Variants in RNF25 observed in about 807,000 individuals in gnomAD.
RNF25 encodes ring finger protein 25.
RNF25 carries 32 observed loss-of-function variants against 65.0 expected under a neutral mutation model. That is an observed-to-expected ratio of 0.49 (90% CI 0.37 to 0.66). The LOEUF (loss-of-function observed/expected upper bound fraction) is 0.66. RNF25 is among the 30% of genes least tolerant of loss of function. The pLI, the probability that RNF25 is intolerant of heterozygous loss-of-function variation, is 0.00. For synonymous variants in RNF25, 207 were observed against 221.2 expected (o/e 0.94, Z 0.57); for missense variants, 493 against 584.8 (o/e 0.84, Z 1.62).
At position 218,668,039 on chromosome 2, in the gene RNF25, C is replaced by T. The variant is rs779808739; in HGVS notation, c.287+40G>A. The stretch of plus-strand genomic sequence containing the variant: ...TGCCCATTTCTGTCACCGGGCAAAG[C>T]TGTAGCTGAGTTTTCCCTGTTCTGA... On this transcript the variant is annotated intron_variant, in intron 4 of 9. Coordinates refer to ENST00000295704, the MANE Select transcript of RNF25 (RefSeq NM_022453.3). 1.9e-6 allele frequency: 3 copies of T among 1,612,980 alleles called. No homozygotes were observed. In the African/African-American group the frequency reaches 4.0e-5, roughly 22 times the overall value.
In RNF25 at chr2:218,668,126, C is replaced by A. The variant is rs771308052; in HGVS notation, c.240G>T (p.Gln80His). The A allele has an allele frequency of 6.2e-7, 1 of 1,614,188 alleles. No homozygotes were observed. Residue 80 changes from glutamine to histidine, a missense_variant, in exon 4 of 10, where the codon CAG becomes CAT. By Grantham distance (24) the Gln-to-His change is conservative (BLOSUM62 0). Around this residue, in one of 3 missense-constraint regions of RNF25, gnomAD observed 108 missense variants for 166.0 expected, o/e 0.65. Transcript: ENST00000295704. ...GTCCTCGGGGATTTCGGATAGAGAT[C>A]TGTGGCACCTCATGGGGATACTAGT... ...VPAEYPHEVP[Q>H]ISIRNPRGLS...
intron 8 of RNF25, 73 bp downstream of exon 8, chr2:218,665,082 A>T (rs1336472165): frequency 1.3e-5 from 20 of 1,512,708 alleles, no homozygotes; most frequent in Admixed American, 1.7e-5. Flanking sequence ...CATTTGACAC[A>T]GACAAGATGC....
Position 218,666,242 on chromosome 2 carries a change from A to C in RNF25, c.358-12T>G, listed in dbSNP as rs1939823895. 1 of 1,609,160 alleles carries C rather than the reference A, an allele frequency of 6.2e-7. No homozygotes were observed. Among genetic ancestry groups the C allele is most frequent in the African/African-American group, 1.3e-5 (1 of 74,946 alleles). On this transcript the variant is annotated splice_polypyrimidine_tract_variant and intron_variant, in intron 5 of 9. Transcript: ENST00000295704. ...ATTTCCTTCCCTTTCTGAGGAGAGA[A>C]GACACTGATTAAACGGGGGTAGGGG...
chr2:218,668,186 A>G, intron 3 of RNF25, 40 bp from the exon 4 acceptor site: 1 of 1,612,380 alleles, frequency 6.2e-7, no homozygotes, highest in Non-Finnish European at 8.5e-7. Flanking sequence ...GAAGCGGTCC[A>G]CCCCAGGGAC....
chr2:218,666,022 T>A lies in RNF25; in HGVS notation c.467A>T (p.Tyr156Phe). 1 of 1,614,062 alleles carries A rather than the reference T, an allele frequency of 6.2e-7. No homozygotes were observed. Among genetic ancestry groups the A allele is most frequent in the Non-Finnish European group, 8.5e-7 (1 of 1,179,982 alleles). The change falls in exon 7 of 10, where the codon TAC (tyrosine) becomes TTC (phenylalanine). Residue 156 changes from tyrosine (Y) to phenylalanine (F), a missense_variant. Around this residue, in one of 3 missense-constraint regions of RNF25, gnomAD observed 351 missense variants for 400.2 expected, o/e 0.88. Transcript: ENST00000295704. The part of the protein sequence containing the change: ...EAFTKTPCYH[Y>F]FHCHCLARYI... ...CCGAGCAAGGCAGTGGCAGTGGAAG[T>A]AGTGGTAACAGGGTGTTTTGGTAAA...
At position 218,671,882 on chromosome 2, in the gene RNF25, C is replaced by A. The variant is rs570740850; in HGVS notation, c.41+48G>T. On this transcript the variant is annotated intron_variant, in intron 1 of 9. Transcript: ENST00000295704. ...ACCGTCTGCGACAGCTGCTAGGCCT[C>A]TGGACTAGATCCAGGCTGTCAGCCA... 1.9e-6 allele frequency: 3 copies of A among 1,610,440 alleles called. No homozygotes were observed. The South Asian group carries it at 3.3e-5, about 18-fold the overall frequency.
chr2:218,668,568 T>C (rs1364006911), intron 2 of RNF25, 37 bp downstream of exon 2: 4 of 1,434,720 alleles, frequency 2.8e-6, no homozygotes, highest in South Asian at 1.1e-5. Flanking sequence ...TCCTCATTAC[T>C]AGGGGGACTC....
Position 218,664,665 on chromosome 2 carries a change from C to G in RNF25, c.801+74G>C, listed in dbSNP as rs1035284951. On this transcript the variant is annotated intron_variant, in intron 9 of 9. Coordinates refer to ENST00000295704, the MANE Select transcript of RNF25 (RefSeq NM_022453.3). The surrounding 1 kb of genome is among the most constrained non-coding windows in gnomAD (Gnocchi z 5.1). ...CTTCCTGGTTAGAACAAAGCTCACT[C>G]TGGGGCCATGGCTGATTGGGGTTTG... is the stretch of plus-strand genomic sequence containing the variant. 1 of 1,602,912 alleles carries G rather than the reference C, an allele frequency of 6.2e-7. No individual in the cohort carries two copies. Among genetic ancestry groups the G allele is most frequent in the African/African-American group, 1.3e-5 (1 of 74,742 alleles).
At chr2:218,666,130 G>A in intron 6 of RNF25, 29 bp downstream of exon 6, 8 of 1,612,596 alleles carry the variant, frequency 5.0e-6, no homozygotes, top group Non-Finnish European at 6.8e-6. Context: ...GTCCCAAACA[G>A]AATGCCAGGT....
chr2:218,667,902 C>T lies in RNF25; in HGVS notation c.357+10G>A, dbSNP rs527516806. The T allele has an allele frequency of 3.1e-6, 5 of 1,612,624 alleles. No homozygotes were observed. The highest frequency in any genetic ancestry group is 2.7e-5 in the African/African-American group (2 of 75,020). On this transcript the variant is annotated intron_variant, in intron 5 of 9. Coordinates refer to ENST00000295704, the MANE Select transcript of RNF25 (RefSeq NM_022453.3). ...GGAAAGAACATATCTCAGACTAGCG[C>T]ACCTCTTACCTCAATGAGTTCATAC...
chr2:218,668,251 C>A lies in RNF25; in HGVS notation c.207G>T (p.Gln69His). The A allele has an allele frequency of 6.2e-7, 1 of 1,614,060 alleles. No homozygotes were observed. Among genetic ancestry groups the A allele is most frequent in the Non-Finnish European group, 8.5e-7 (1 of 1,179,918 alleles). Reference protein sequence around the residue: ...SQYVCFTLVLQVPAEYPHEVP... With the variant: ...SQYVCFTLVLHVPAEYPHEVP... ...GTAGGGGCTTCACCTCTGCTGGGAC[C>A]TGAAGCACCAGAGTGAAGCAGACAT... Residue 69 changes from glutamine (Q) to histidine (H), a missense_variant, in exon 3 of 10, where the codon CAG becomes CAT. Gln to His is a conservative substitution (Grantham distance 24). Transcript: ENST00000295704.
intron 2 of RNF25, 116 bp from the exon 3 acceptor site, chr2:218,668,457 T>G (rs748377459): frequency 1.9e-4 from 189 of 977,084 alleles, no homozygotes; most frequent in Admixed American, 4.0e-4. Flanking sequence ...CTCTTTCTTT[T>G]GGGGTAGGAT....
intron 3 of RNF25, 34 bp from the exon 4 acceptor site, chr2:218,668,180 C>G: frequency 5.0e-6 from 8 of 1,611,908 alleles, no homozygotes; most frequent in Non-Finnish European, 5.9e-6. Context: ...ACTGCTGAAG[C>G]GGTCCACCCC....
intron 6 of RNF25, 36 bp from the exon 7 acceptor site, chr2:218,666,095 G>A (rs1939820267): frequency 6.2e-7 from 1 of 1,611,540 alleles, no homozygotes; most frequent in Non-Finnish European, 8.5e-7. Context: ...CTAAGTCAGA[G>A]CTCTCTCACA....
At position 218,664,469 on chromosome 2, in the gene RNF25, G is replaced by A. The variant is rs1342341483; in HGVS notation, c.868C>T (p.Leu290Phe). ...VSKGSQPPST[L>F]AAELSTSPAV... is the part of the protein sequence containing the mutation. Reference sequence around the variant, plus strand: ...GGTGAGGTGGATAGTTCTGCTGCAAGGGTGCTGGGTGGTTGGGATCCTTTG... The same window carrying A: ...GGTGAGGTGGATAGTTCTGCTGCAAAGGTGCTGGGTGGTTGGGATCCTTTG... Residue 290 changes from leucine to phenylalanine, a missense_variant, in exon 10 of 10, where the codon CTT becomes TTT. Physicochemically the swap from Leu to Phe is conservative, Grantham distance 22. Transcript: ENST00000295704. The surrounding 1 kb of genome is among the most constrained non-coding windows in gnomAD (Gnocchi z 5.1). The A allele has an allele frequency of 6.2e-7, 1 of 1,614,050 alleles. No individual in the cohort carries two copies. The highest frequency in any genetic ancestry group is 8.5e-7 in the Non-Finnish European group (1 of 1,180,038).
chr2:218,667,500 G>A (rs973507098), intron 5 of RNF25, among the ~76,000 whole-genome samples: 13 of 151,756 alleles, frequency 8.6e-5, no homozygotes, highest in East Asian at 1.9e-4. Context: ...ACAAATGCCC[G>A]CCACCGTGCC....
intron 5 of RNF25, among the ~76,000 whole-genome samples, chr2:218,667,132 C>A (rs1363688852): frequency 1.4e-5 from 2 of 148,146 alleles, no homozygotes. Flanking sequence ...CACACCACTG[C>A]ACTCCAGCCT....
In RNF25 at chr2:218,669,680, G is replaced by C. The variant is rs1031474035; in HGVS notation, c.42-1001C>G. On this transcript the variant is annotated intron_variant, in intron 1 of 9. Coordinates refer to ENST00000295704, the MANE Select transcript of RNF25 (RefSeq NM_022453.3). ...CTACAGCTCTACCAAGTGATACATG[G>C]AAAAATGCACACTTTGCTTTCTCAC... Among the ~76,000 whole-genome samples, 47 of 152,098 alleles carry C rather than the reference G, an allele frequency of 3.1e-4. No individual in the cohort carries two copies. The East Asian group carries it at 5.2e-3, about 17-fold the overall frequency.
intron 1 of RNF25, 112 bp downstream of exon 1, chr2:218,671,818 C>T: frequency 8.6e-7 from 1 of 1,156,678 alleles, no homozygotes; most frequent in Non-Finnish European, 1.3e-6. Flanking sequence ...TCTCTGCCAT[C>T]CCTCATCCCT....
Sources: allele counts gnomAD v4.1 joint callset (sites outside exome capture counted in the v4.1 genomes callset), GRCh38; gene constraint gnomAD v4.1.1; regional missense constraint gnomAD v4.1.1; non-coding constraint Gnocchi (gnomAD v3.1); transcripts MANE v1.5; gene names NCBI Gene and HGNC (gene_info 2026-07-23, HGNC 2026-07-21).